The following ESYT2 variants were observed in gnomAD, a reference collection of about 807,000 sequenced individuals.
ESYT2 encodes extended synaptotagmin 2.
Under a neutral mutation model 107.2 loss-of-function variants are expected in ESYT2, and 54 were observed. That is an observed-to-expected ratio of 0.50 (90% confidence interval 0.40 to 0.63). The LOEUF (loss-of-function observed/expected upper bound fraction) is 0.63. Among genes scored for constraint, ESYT2 ranks in the 30% least tolerant of loss-of-function variants. The pLI, the probability that ESYT2 is intolerant of heterozygous loss-of-function variation, is 0.00. For synonymous variants in ESYT2, 491 were observed against 434.1 expected (o/e 1.13, Z -1.63); for missense variants, 1,020 against 1,094.5 (o/e 0.93, Z 0.96).
intron 3 of ESYT2, among the ~76,000 whole-genome samples, chr7:158,795,412 T>C (rs993212190): frequency 3.3e-5 from 5 of 152,258 alleles, no homozygotes; most frequent in Admixed American, 6.5e-5. Context: ...TAAACCCAGC[T>C]GAGATGGAAT....
At chr7:158,738,312 CAAA>C (rs1350264204) in intron 19 of ESYT2, among the ~76,000 whole-genome samples, 2 of 71,046 alleles carry the variant, frequency 2.8e-5, no homozygotes, top group African/African-American at 6.8e-5. Flanking sequence ...ACTCTGTCTC[CAAA>C]AAAAAAAAAA....
At chr7:158,782,965 C>T (rs1306041452) in intron 6 of ESYT2, among the ~76,000 whole-genome samples, 1 of 152,164 alleles carries the variant, frequency 6.6e-6, no homozygotes, top group African/African-American at 2.4e-5. Flanking sequence ...CCAGCAGGGC[C>T]CGATAAAGGC....
At chr7:158,753,863 C>T (rs756567002) in intron 13 of ESYT2, among the ~76,000 whole-genome samples, 3 of 152,120 alleles carry the variant, frequency 2.0e-5, no homozygotes, top group African/African-American at 4.8e-5. Context: ...GATGAGAACT[C>T]TGCTGCCCGG....
At chr7:158,781,802 CAA>C (rs1172159199) in intron 6 of ESYT2, among the ~76,000 whole-genome samples, 10 of 150,586 alleles carry the variant, frequency 6.6e-5, no homozygotes, top group East Asian at 2.0e-4. Flanking sequence ...AGTGTGAGAA[CAA>C]AGTGTGAGAT....
rs1837821808 is a variant in ESYT2 at position 158,757,822 on chromosome 7, AAC to A, written c.1419+1662_1419+1663del. ...TATTCAAATTTCAATTTAATGTGAC[AAC>A]ACACACAGTTCTAAAGAGGCCTAAC... On this transcript the variant is annotated intron_variant, in intron 13 of 22. Coordinates refer to ENST00000275418, the MANE Select transcript of ESYT2 (RefSeq NM_001367773.1). Among the ~76,000 whole-genome samples, 3 of 152,062 alleles carry A rather than the reference AAC, an allele frequency of 2.0e-5. No individual in the cohort carries two copies. In the South Asian group the frequency reaches 6.2e-4, roughly 31 times the overall value.
chr7:158,740,804 CCA>C (rs1474358901), intron 18 of ESYT2, among the ~76,000 whole-genome samples: 1 of 152,272 alleles, frequency 6.6e-6, no homozygotes. Flanking sequence ...TGTGCAAGCT[CCA>C]CAGTCTGCGT....
intron 8 of ESYT2, among the ~76,000 whole-genome samples, chr7:158,765,502 G>C (rs1838127097): frequency 1.3e-5 from 2 of 152,196 alleles, no homozygotes; most frequent in South Asian, 4.1e-4. Context: ...GGAAGACCGA[G>C]GTGGGTAGAT....
chr7:158,797,238 C>T (rs1451403483), intron 3 of ESYT2, among the ~76,000 whole-genome samples: 1 of 152,212 alleles, frequency 6.6e-6, no homozygotes, highest in Non-Finnish European at 1.5e-5. Flanking sequence ...TCTCCACCTC[C>T]TGGGGCTCAA....
intron 16 of ESYT2, 88 bp downstream of exon 16, chr7:158,748,106 G>T: frequency 1.7e-6 from 2 of 1,192,400 alleles, no homozygotes; most frequent in Non-Finnish European, 2.4e-6. Flanking sequence ...ATCCCCAGGT[G>T]TATACACGGG....
chr7:158,792,940 T>C (rs12234846), intron 4 of ESYT2, among the ~76,000 whole-genome samples: 19,507 of 151,508 alleles, frequency 0.13, 1,900 homozygotes, highest in East Asian at 0.43. Flanking sequence ...GGCTAATTTT[T>C]TGTATTTTTA....
In ESYT2 at chr7:158,741,818, C is replaced by T. The variant is rs772349350; in HGVS notation, c.1873G>A (p.Glu625Lys). The stretch of plus-strand genomic sequence containing the variant: ...GATTTGATGGATGTTTTCCTCCCCT[C>T]TTTGGACACAGAGGGACGTTTGACT... ...AQVKRPSVSK[E>K]GRKTSIKSHM... Residue 625 changes from glutamate to lysine, a missense_variant, in exon 18 of 23, where the codon GAG (glutamate) becomes AAG (lysine). Transcript: ENST00000275418. The T allele has an allele frequency of 1.9e-6, 3 of 1,613,998 alleles. No individual in the cohort carries two copies. The highest frequency in any genetic ancestry group is 3.3e-5 in the Admixed American group (2 of 60,002).
Position 158,826,001 on chromosome 7 carries a change from G to A in ESYT2, c.330+3088C>T, listed in dbSNP as rs557193683. Reference sequence around the variant, plus strand: ...AAAGTTTGAGACCAGCCTGGACAACGCGGTAAGAACTCATCTCTAGAAAAA... The same window carrying A: ...AAAGTTTGAGACCAGCCTGGACAACACGGTAAGAACTCATCTCTAGAAAAA... On this transcript the variant is annotated intron_variant, in intron 1 of 22. Coordinates refer to ENST00000275418, the MANE Select transcript of ESYT2 (RefSeq NM_001367773.1). Among the ~76,000 whole-genome samples the A allele has an allele frequency of 4.0e-5, 6 of 149,588 alleles. No individual in the cohort carries two copies. The South Asian group carries it at 1.1e-3, about 26-fold the overall frequency.
chr7:158,818,196 G>A (rs907623399), intron 1 of ESYT2, among the ~76,000 whole-genome samples: 3 of 152,164 alleles, frequency 2.0e-5, no homozygotes, highest in African/African-American at 4.8e-5. Flanking sequence ...TGTACAAAAT[G>A]TAAAATTAAC....
intron 7 of ESYT2, among the ~76,000 whole-genome samples, 193 bp downstream of exon 7, chr7:158,773,148 G>T (rs370928795): frequency 2.0e-5 from 3 of 151,962 alleles, no homozygotes; most frequent in African/African-American, 7.3e-5. Context: ...CTGGCCCATC[G>T]CCTCCCAGCA....
At chr7:158,782,130 C>A (rs1180481260) in intron 6 of ESYT2, among the ~76,000 whole-genome samples, 5 of 24,820 alleles carry the variant, frequency 2.0e-4, no homozygotes, top group African/African-American at 7.2e-4. Flanking sequence ...AGTGTAAGAA[C>A]GAGAACAAGT....
intron 4 of ESYT2, among the ~76,000 whole-genome samples, chr7:158,789,950 A>C (rs1839233095): frequency 6.6e-6 from 1 of 152,146 alleles, no homozygotes; most frequent in Non-Finnish European, 1.5e-5. Context: ...GATGGACTCA[A>C]ACTCGCTCGG....
intron 8 of ESYT2, among the ~76,000 whole-genome samples, chr7:158,766,391 A>G (rs1450267058): frequency 2.6e-5 from 4 of 152,212 alleles, no homozygotes; most frequent in African/African-American, 9.7e-5. Flanking sequence ...CTGTACTCAG[A>G]GCATAAGAGG....
intron 1 of ESYT2, among the ~76,000 whole-genome samples, chr7:158,810,966 T>G (rs975866369): frequency 6.7e-6 from 1 of 148,310 alleles, no homozygotes; most frequent in Non-Finnish European, 1.5e-5. Context: ...CTGGATTGTA[T>G]GGTATGTGAA....
chr7:158,776,121 T>C (rs1195971979), intron 6 of ESYT2, among the ~76,000 whole-genome samples: 1 of 152,202 alleles, frequency 6.6e-6, no homozygotes. Flanking sequence ...CTTAAAATAT[T>C]TGGTAAACCA....
Sources: gnomAD v4.1 joint callset for allele counts (sites outside exome capture counted in the v4.1 genomes callset) on GRCh38, gnomAD v4.1.1 for gene constraint, MANE v1.5 for transcripts, NCBI Gene and HGNC (gene_info 2026-07-23, HGNC 2026-07-21) for gene names.